L3MBTL4: variants seen among roughly 807,000 people sequenced by gnomAD.
L3MBTL4 encodes the protein L3MBTL histone methyl-lysine binding protein 4.
Under a neutral mutation model 84.5 loss-of-function variants are expected in L3MBTL4, and 70 were observed. The observed-to-expected ratio is 0.83, with a 90% CI of 0.68 to 1.01. The LOEUF (loss-of-function observed/expected upper bound fraction) is 1.01, where lower values mean the gene tolerates loss of function less well. L3MBTL4 is among the 50% of genes least tolerant of loss of function. The pLI, the probability that L3MBTL4 is intolerant of heterozygous loss-of-function variation, is 0.00. For missense variants in L3MBTL4, 715 were observed against 754.8 expected (o/e 0.95, Z 0.62); for synonymous variants, 274 against 259.8 (o/e 1.05, Z -0.52).
intron 1 of L3MBTL4, among the ~76,000 whole-genome samples, chr18:6,400,435 G>A (rs893350411): frequency 2.0e-5 from 3 of 152,156 alleles, no homozygotes; most frequent in Non-Finnish European, 4.4e-5. Context: ...TTAGAGACAA[G>A]GTCTTACCTT....
chr18:6,102,196 C>T (rs1289623378), intron 14 of L3MBTL4, among the ~76,000 whole-genome samples: 1 of 152,184 alleles, frequency 6.6e-6, no homozygotes, highest in Non-Finnish European at 1.5e-5. Flanking sequence ...CTCAGCAGCA[C>T]ATCAGTGTCT....
chr18:6,392,070 C>T (rs1208153756), intron 1 of L3MBTL4, among the ~76,000 whole-genome samples: 1 of 152,092 alleles, frequency 6.6e-6, no homozygotes, highest in Non-Finnish European at 1.5e-5. Flanking sequence ...AAGAATAAAT[C>T]TGGAGGCATC....
At chr18:6,117,177 G>A (rs2059386321) in intron 14 of L3MBTL4, among the ~76,000 whole-genome samples, 1 of 152,116 alleles carries the variant, frequency 6.6e-6, no homozygotes, top group Non-Finnish European at 1.5e-5. Context: ...AGAGACTGAG[G>A]GTCAATAAGC....
intron 14 of L3MBTL4, among the ~76,000 whole-genome samples, 190 bp downstream of exon 14, chr18:6,138,004 C>T (rs900660961): frequency 6.6e-6 from 1 of 151,976 alleles, no homozygotes; most frequent in African/African-American, 2.4e-5. Flanking sequence ...CTCATAATTC[C>T]AAGAAGGTTC....
intron 17 of L3MBTL4, among the ~76,000 whole-genome samples, chr18:5,967,803 G>A (rs2052427691): frequency 2.0e-5 from 3 of 152,222 alleles, no homozygotes; most frequent in Non-Finnish European, 4.4e-5. Flanking sequence ...AGAACAGGCC[G>A]GGGCAGCAGG....
intron 12 of L3MBTL4, among the ~76,000 whole-genome samples, chr18:6,208,311 T>A (rs1241268544): frequency 1.3e-5 from 2 of 152,172 alleles, no homozygotes; most frequent in African/African-American, 4.8e-5. Flanking sequence ...AACTTATTGG[T>A]CTGACATAAA....
chr18:6,113,188 CA>C (rs138368035), intron 14 of L3MBTL4, among the ~76,000 whole-genome samples: 5,277 of 152,002 alleles, frequency 0.035, 128 homozygotes, highest in Non-Finnish European at 0.051. Flanking sequence ...ATATTGATAA[CA>C]AAAACAAAGA....
At position 6,315,946 on chromosome 18, in the gene L3MBTL4, A is replaced by C. The variant is rs1399234050; in HGVS notation, c.-90-3890T>G. Among the ~76,000 whole-genome samples the C allele has an allele frequency of 3.3e-5, 5 of 152,328 alleles. No homozygotes were observed. In the East Asian group the frequency reaches 9.7e-4, roughly 29 times the overall value. ...AAGTCTTGCATAATACTTTATGAGA[A>C]TAGCACAGGAAGTCCCAAGATTCAG... On this transcript the variant is annotated intron_variant, in intron 1 of 18. Coordinates refer to ENST00000317931, the MANE Select transcript of L3MBTL4 (RefSeq NM_001330559.2).
intron 1 of L3MBTL4, among the ~76,000 whole-genome samples, chr18:6,372,486 C>A (rs914000916): frequency 6.6e-6 from 1 of 152,176 alleles, no homozygotes; most frequent in Non-Finnish European, 1.5e-5. Context: ...ATCCCAGAAC[C>A]AACTATAATT....
Position 6,295,334 on chromosome 18 carries a change from CTCTCTCTCTCTCTA to C in L3MBTL4, c.127+6555_127+6568del, listed in dbSNP as rs1400742438. ...ACTCTCTCTCTCTCTCTCTCTCTCT[CTCTCTCTCTCTCTA>C]TATATATATATATATATATATATAC... On this transcript the variant is annotated intron_variant, in intron 4 of 18. Transcript: ENST00000317931. Among the ~76,000 whole-genome samples, 309 of 130,468 alleles carry C rather than the reference CTCTCTCTCTCTCTA, an allele frequency of 2.4e-3. 1 individual carries two copies. The highest frequency in any genetic ancestry group is 9.3e-3 in the African/African-American group (275 of 29,552). 85.6% of individuals were successfully genotyped at this position (130,468 alleles called of 152,430 possible). A position where few individuals can be genotyped will look rare whatever the true frequency, so the allele number is the denominator to read the frequency against.
At chr18:6,179,164 T>A (rs114429848) in intron 12 of L3MBTL4, among the ~76,000 whole-genome samples, 1,744 of 152,350 alleles carry the variant, frequency 0.011, 49 homozygotes, top group African/African-American at 0.04. Context: ...AAACCTTTTT[T>A]AAATTTTTAA....
intron 10 of L3MBTL4, among the ~76,000 whole-genome samples, chr18:6,223,677 G>A (rs980429379): frequency 1.3e-5 from 2 of 152,218 alleles, no homozygotes; most frequent in African/African-American, 4.8e-5. Context: ...AGACTCCTAT[G>A]TAGCTACATG....
In L3MBTL4 at chr18:6,399,934, T is replaced by A. The variant is rs1415614884; in HGVS notation, c.-91+14867A>T. On this transcript the variant is annotated intron_variant, in intron 1 of 18. Transcript: ENST00000317931. ...AATCTTCAAAACTGATGGCTAGGAG[T>A]TAACCACCACTAATAACTCTGACCT... The A allele has an allele frequency of 2.0e-5, 3 of 151,982 alleles. No individual in the cohort carries two copies. The East Asian group carries it at 5.8e-4, about 29-fold the overall frequency. The allele number at this position is 151,982 out of a possible 1,614,324, so 9.4% of individuals were successfully genotyped here.
chr18:5,991,465 C>T (rs1055638304), intron 16 of L3MBTL4, among the ~76,000 whole-genome samples: 1 of 152,160 alleles, frequency 6.6e-6, no homozygotes, highest in Non-Finnish European at 1.5e-5. Flanking sequence ...CTCTAAATGA[C>T]TCCCATCAAG....
chr18:6,339,786 C>T (rs1035112536), intron 1 of L3MBTL4, among the ~76,000 whole-genome samples: 30 of 151,790 alleles, frequency 2.0e-4, no homozygotes, highest in East Asian at 5.8e-4. Context: ...ATATTAAAGA[C>T]GTAATAAAAA....
intron 5 of L3MBTL4, among the ~76,000 whole-genome samples, chr18:6,253,201 A>AAAACAAAC (rs144665524): frequency 6.6e-6 from 1 of 151,902 alleles, no homozygotes; most frequent in African/African-American, 2.4e-5. Context: ...ACTCCGTCTC[A>AAAACAAAC]AAACAAACAA....
At chr18:6,003,096 T>G (rs1252282002) in intron 16 of L3MBTL4, among the ~76,000 whole-genome samples, 1 of 102,282 alleles carries the variant, frequency 9.8e-6, no homozygotes. Context: ...AAATATAGTA[T>G]CTCTATTTAT....
intron 1 of L3MBTL4, among the ~76,000 whole-genome samples, chr18:6,340,947 G>T (rs192913047): frequency 3.5e-4 from 54 of 152,228 alleles, no homozygotes; most frequent in African/African-American, 1.3e-3. Context: ...TAAATAGGAG[G>T]CCCTCATTCC....
Position 6,021,721 on chromosome 18 carries a change from C to A in L3MBTL4, c.1445-52159G>T, listed in dbSNP as rs181822172. 1.4e-3 allele frequency among the ~76,000 whole-genome samples: 219 copies of A among 152,262 alleles called. 1 individual carries two copies. Among genetic ancestry groups the A allele is most frequent in the Non-Finnish European group, 2.4e-3 (160 of 68,022 alleles). ...AACGGAGGTAAGTTGAGAATCGAAG[C>A]CATTGCATGGCGCACCTCTGGTCCC... On this transcript the variant is annotated intron_variant, in intron 16 of 18. Coordinates refer to ENST00000317931, the MANE Select transcript of L3MBTL4 (RefSeq NM_001330559.2).
Sources: allele counts gnomAD v4.1 joint callset (sites outside exome capture counted in the v4.1 genomes callset), GRCh38; gene constraint gnomAD v4.1.1; transcripts MANE v1.5; gene names NCBI Gene and HGNC (gene_info 2026-07-23, HGNC 2026-07-21).